SNAPC3: variants seen among roughly 807,000 people sequenced by gnomAD.
SNAPC3 encodes small nuclear RNA activating complex polypeptide 3, also known as snRNA-activating protein complex subunit 3.
SNAPC3 carries 56 observed loss-of-function variants against 47.7 expected under a neutral mutation model. That is an observed-to-expected ratio of 1.18 (90% CI 0.95 to 1.47). SNAPC3 has a LOEUF of 1.47. Ranked by LOEUF, SNAPC3 falls within the 40% of genes most tolerant of loss-of-function variation. SNAPC3 has a pLI of 0.00. For missense variants in SNAPC3, 665 were observed against 511.3 expected (o/e 1.30, Z -2.90); for synonymous variants, 235 against 189.9 (o/e 1.24, Z -1.95).
chr9:15,457,928 C>T (rs1263057727), intron 7 of SNAPC3, 32 bp from the exon 8 acceptor site: 8 of 1,310,266 alleles, frequency 6.1e-6, no homozygotes, highest in South Asian at 1.3e-5. Flanking sequence ...ATATTTGTCA[C>T]CTTAATATCT....
intron 7 of SNAPC3, among the ~76,000 whole-genome samples, chr9:15,457,696 G>T (rs987715234): frequency 6.6e-6 from 1 of 152,164 alleles, no homozygotes; most frequent in African/African-American, 2.4e-5. Context: ...CTTAAGGGGG[G>T]ATCACAGTGT....
intron 2 of SNAPC3, among the ~76,000 whole-genome samples, chr9:15,428,503 T>G (rs2031741130): frequency 2.2e-5 from 2 of 91,004 alleles, no homozygotes; most frequent in Admixed American, 2.9e-4. Context: ...AGCGAGACTC[T>G]GTCTCAAAAA....
In SNAPC3 at chr9:15,460,652, A is replaced by C. The variant is rs1456196392; in HGVS notation, c.*786A>C. On this transcript the variant is annotated 3_prime_UTR_variant, in exon 9 of 9. Coordinates refer to ENST00000380821, the MANE Select transcript of SNAPC3 (RefSeq NM_001039697.2). ...GCGATCCACCCGCCTAAGCCTCCCA[A>C]AATTTTGGGATCACAGGCGTGAGCC... is the stretch of plus-strand genomic sequence containing the variant. 1 of 152,256 alleles carries C rather than the reference A, an allele frequency of 6.6e-6. No individual in the cohort carries two copies. The allele number at this position is 152,256 out of a possible 1,614,324, so 9.4% of individuals were successfully genotyped here.
At chr9:15,432,498 C>T (rs1276932953) in intron 2 of SNAPC3, among the ~76,000 whole-genome samples, 1 of 151,934 alleles carries the variant, frequency 6.6e-6, no homozygotes, top group African/African-American at 2.4e-5. Flanking sequence ...CCTTGAGCAT[C>T]TTGTGGTGCC....
At chr9:15,449,840 A>G (rs1349252377) in intron 5 of SNAPC3, among the ~76,000 whole-genome samples, 1 of 151,720 alleles carries the variant, frequency 6.6e-6, no homozygotes, top group East Asian at 1.9e-4. Context: ...CAAAGTGCTG[A>G]GCCACCAGGC....
intron 7 of SNAPC3, chr9:15,453,666 A>C (rs925354755): frequency 1.3e-5 from 2 of 152,784 alleles, no homozygotes; most frequent in African/African-American, 4.8e-5. Context: ...ATTGGGAAGG[A>C]GCTAAGATAG....
chr9:15,442,581 G>A (rs2033560236), intron 3 of SNAPC3, among the ~76,000 whole-genome samples: 2 of 151,392 alleles, frequency 1.3e-5, no homozygotes, highest in Admixed American at 6.6e-5. Flanking sequence ...CGGGGCGGCG[G>A]GGCAGAGGCG....
intron 3 of SNAPC3, among the ~76,000 whole-genome samples, chr9:15,440,567 C>T (rs1349263371): frequency 1.3e-5 from 2 of 152,042 alleles, no homozygotes; most frequent in Non-Finnish European, 2.9e-5. Context: ...GGTGGGTTCC[C>T]ATAGTCTCAG....
At chr9:15,446,275 A>C (rs191541461) in intron 4 of SNAPC3, among the ~76,000 whole-genome samples, 1 of 152,150 alleles carries the variant, frequency 6.6e-6, no homozygotes, top group Non-Finnish European at 1.5e-5. Flanking sequence ...GGAGTGCAGC[A>C]GTACAATCAT....
chr9:15,433,139 T>G (rs1377072234), intron 2 of SNAPC3, among the ~76,000 whole-genome samples: 2 of 152,056 alleles, frequency 1.3e-5, no homozygotes, highest in Non-Finnish European at 2.9e-5. Flanking sequence ...TTCTATAAAA[T>G]AACTGATTAG....
chr9:15,463,421 C>G (rs2035373048), downstream of SNAPC3: 1 of 131,112 alleles, frequency 7.6e-6, no homozygotes, highest in Non-Finnish European at 1.6e-5. Flanking sequence ...GTAATCAAAA[C>G]ACATACGTAC....
At chr9:15,429,663 A>G (rs984958076) in intron 2 of SNAPC3, among the ~76,000 whole-genome samples, 1 of 152,200 alleles carries the variant, frequency 6.6e-6, no homozygotes, top group African/African-American at 2.4e-5. Context: ...CTCCCCCTCA[A>G]TTTCTAAAAA....
intron 3 of SNAPC3, among the ~76,000 whole-genome samples, chr9:15,442,022 C>T (rs920456473): frequency 4.6e-5 from 7 of 150,714 alleles, no homozygotes; most frequent in South Asian, 4.2e-4. Context: ...CAGGCGGAGG[C>T]GCTCCCCACC....
chr9:15,444,816 G>GA, intron 4 of SNAPC3, 110 bp downstream of exon 4: 1 of 596,204 alleles, frequency 1.7e-6, no homozygotes, highest in South Asian at 2.1e-5. Flanking sequence ...AACACTCTGG[G>GA]AGTGGTGGCT....
downstream of SNAPC3, chr9:15,465,274 AAAAGCAGTTT>A (rs1379937248): frequency 2.3e-6 from 1 of 426,150 alleles, no homozygotes; most frequent in African/African-American, 2.1e-5. Context: ...CCATGTCTGG[AAAAGCAGTTT>A]AACATTTTCT....
chr9:15,423,139 C>T lies in SNAPC3; in HGVS notation c.260C>T (p.Ala87Val), dbSNP rs370586112. The change falls in exon 1 of 9, where the codon GCC becomes GTC. Residue 87 changes from alanine to valine, a missense_variant. Transcript: ENST00000380821. Reference sequence around the variant, plus strand: ...TCCGACCGGGAGGATGCCGCGGTGGCCAGGGATCTGGACTGCAGCCTGGAG... The same window carrying T: ...TCCGACCGGGAGGATGCCGCGGTGGTCAGGGATCTGGACTGCAGCCTGGAG... ...ADSDREDAAVARDLDCSLEAA... is the reference protein window; with the variant it reads ...ADSDREDAAVVRDLDCSLEAA... 1.8e-5 allele frequency: 28 copies of T among 1,562,834 alleles called. No homozygotes were observed. The African/African-American group carries it at 3.4e-4, about 19-fold the overall frequency.
chr9:15,465,510 G>T (rs1327959818), downstream of SNAPC3: 3 of 1,532,512 alleles, frequency 2.0e-6, no homozygotes, highest in East Asian at 6.9e-5. Context: ...TATATTCCAG[G>T]TATGTCAACC....
In SNAPC3 at chr9:15,448,885, C is replaced by G. The variant is rs12003141; in HGVS notation, c.732+1641C>G. ...AGTGCGATGATGCAATCTCGGCTCA[C>G]TGCAACTTTCACCTCCCAGTTTCAA... On this transcript the variant is annotated intron_variant, in intron 5 of 8. Transcript: ENST00000380821. Among the ~76,000 whole-genome samples the G allele has an allele frequency of 4.9e-3, 747 of 152,164 alleles. 4 individuals carry two copies. Among genetic ancestry groups the G allele is most frequent in the African/African-American group, 0.018 (727 of 41,512 alleles).
intron 2 of SNAPC3, among the ~76,000 whole-genome samples, chr9:15,432,844 G>C (rs930994604): frequency 2.0e-5 from 3 of 152,198 alleles, no homozygotes; most frequent in African/African-American, 7.2e-5. Flanking sequence ...TAATCTATCA[G>C]TGAATGCTAA....
Sources: allele counts gnomAD v4.1 joint callset (sites outside exome capture counted in the v4.1 genomes callset), GRCh38; gene constraint gnomAD v4.1.1; transcripts MANE v1.5; gene names NCBI Gene and HGNC (gene_info 2026-07-23, HGNC 2026-07-21).